DOCK2: variants seen among roughly 807,000 people sequenced by gnomAD.
The protein encoded by DOCK2 is dedicator of cytokinesis 2.
A neutral mutation model predicts 248.9 loss-of-function variants in DOCK2; 87 were observed. That is an observed-to-expected ratio of 0.35 (90% CI 0.29 to 0.42). The LOEUF is 0.42. Among genes scored for constraint, DOCK2 ranks in the 10% least tolerant of loss-of-function variants. DOCK2 has a pLI of 1.00. For missense variants in DOCK2, 1,747 were observed against 2,300.2 expected, an observed-to-expected ratio of 0.76 and a Z score of 4.92; for synonymous variants, 805 against 821.6, an observed-to-expected ratio of 0.98 and a Z score of 0.35.
At chr5:169,955,830 C>A (rs191320528) in intron 27 of DOCK2, among the ~76,000 whole-genome samples, 1 of 152,170 alleles carries the variant, frequency 6.6e-6, no homozygotes. Flanking sequence ...GAGGCTCCAT[C>A]GATTCAGTTC....
intron 29 of DOCK2, among the ~76,000 whole-genome samples, chr5:169,991,952 G>A (rs1341837417): frequency 6.6e-6 from 1 of 152,142 alleles, no homozygotes; most frequent in Non-Finnish European, 1.5e-5. Flanking sequence ...GTTAGCACAG[G>A]CCATATGAAT....
intron 27 of DOCK2, among the ~76,000 whole-genome samples, chr5:169,950,408 C>T (rs1156440641): frequency 1.3e-5 from 2 of 152,184 alleles, no homozygotes; most frequent in African/African-American, 2.4e-5. Context: ...GCATAACAGT[C>T]TTTTTGGACT....
chr5:169,673,387 A>C (rs1395384679), intron 5 of DOCK2, among the ~76,000 whole-genome samples: 1 of 151,914 alleles, frequency 6.6e-6, no homozygotes, highest in South Asian at 2.1e-4. Context: ...TCAAGTGTGT[A>C]TATATATATA....
At chr5:169,676,929 G>A (rs1759363514) in intron 6 of DOCK2, among the ~76,000 whole-genome samples, 1 of 152,166 alleles carries the variant, frequency 6.6e-6, no homozygotes, top group South Asian at 2.1e-4. Context: ...GATAACTTCT[G>A]AAGCGCTCAC....
intron 27 of DOCK2, chr5:169,883,165 C>T: frequency 1.3e-6 from 2 of 1,551,646 alleles, no homozygotes; most frequent in South Asian, 1.2e-5. Context: ...AGTCACCCTT[C>T]TCCCATCACC....
Position 169,810,983 on chromosome 5 carries a change from TCTCTCTCACACACA to T in DOCK2, c.2703+7779_2703+7792del, listed in dbSNP as rs775303374. Among the ~76,000 whole-genome samples the T allele has an allele frequency of 3.3e-4, 28 of 84,968 alleles. No homozygotes were observed. In the South Asian group the frequency reaches 7.5e-3, roughly 23 times the overall value. The allele number at this position is 84,968 out of a possible 152,430, so 55.7% of individuals were successfully genotyped here. A position where few individuals can be genotyped will look rare whatever the true frequency, so the allele number is the denominator to read the frequency against. ...CACACACACACAGACTCTCTCTCTC[TCTCTCTCACACACA>T]CACACACACACACACACACACACAC... On this transcript the variant is annotated intron_variant, in intron 26 of 51. Coordinates refer to ENST00000520908, the MANE Select transcript of DOCK2 (RefSeq NM_004946.3).
At chr5:170,027,594 C>T (rs1268238901) in intron 33 of DOCK2, among the ~76,000 whole-genome samples, 4 of 152,180 alleles carry the variant, frequency 2.6e-5, no homozygotes, top group African/African-American at 9.7e-5. Context: ...CCTGACTCTC[C>T]TCCCTCTCTC....
intron 27 of DOCK2, among the ~76,000 whole-genome samples, chr5:169,934,338 A>T (rs1775889201): frequency 6.6e-6 from 1 of 152,162 alleles, no homozygotes; most frequent in Non-Finnish European, 1.5e-5. Context: ...GTACTTTGGT[A>T]GTTGTCCCCG....
chr5:169,755,215 A>C (rs1421792153), intron 23 of DOCK2, among the ~76,000 whole-genome samples: 1 of 151,956 alleles, frequency 6.6e-6, no homozygotes, highest in Non-Finnish European at 1.5e-5. Context: ...AAGTGCTGGG[A>C]TTATAGGCAT....
At chr5:169,637,979 C>T (rs1174615156) in intron 1 of DOCK2, among the ~76,000 whole-genome samples, 1 of 152,098 alleles carries the variant, frequency 6.6e-6, no homozygotes, top group Non-Finnish European at 1.5e-5. Context: ...AAGCTAGCTT[C>T]GTCAGCCTCA....
intron 25 of DOCK2, among the ~76,000 whole-genome samples, chr5:169,787,384 A>G (rs1159597619): frequency 6.6e-6 from 1 of 152,182 alleles, no homozygotes; most frequent in Non-Finnish European, 1.5e-5. Flanking sequence ...TTCAACACTC[A>G]GATGCATGAT....
In DOCK2 at chr5:170,061,316, G is replaced by A. The variant is rs182485724; in HGVS notation, c.4467+3650G>A. ...AGTGTGGTATCAAAGCTTGATTTAC[G>A]TGTAGTAGAAGAAGCCTGCCTTTGG... is the stretch of plus-strand genomic sequence containing the variant. On this transcript the variant is annotated intron_variant, in intron 44 of 51. Coordinates refer to ENST00000520908, the MANE Select transcript of DOCK2 (RefSeq NM_004946.3). 7.2e-5 allele frequency among the ~76,000 whole-genome samples: 11 copies of A among 152,354 alleles called. No homozygotes were observed. In the East Asian group the frequency reaches 1.2e-3, roughly 16 times the overall value.
chr5:169,786,247 G>C (rs559030857), intron 25 of DOCK2, among the ~76,000 whole-genome samples: 1 of 152,134 alleles, frequency 6.6e-6, no homozygotes, highest in African/African-American at 2.4e-5. Flanking sequence ...GGTGTTCTTT[G>C]TCTTGGCAGG....
At position 169,712,102 on chromosome 5, in the gene DOCK2, C is replaced by T; in HGVS notation, c.1556-18C>T. 6.2e-7 allele frequency: 1 copy of T among 1,613,968 alleles called. No homozygotes were observed. Among genetic ancestry groups the T allele is most frequent in the Non-Finnish European group, 8.5e-7 (1 of 1,179,868 alleles). ...CCATGTATCATTTTCTTTCCTGACC[C>T]CACAATGCTATTTCCAGCTAAAGAT... is the stretch of plus-strand genomic sequence containing the variant. On this transcript the variant is annotated intron_variant, in intron 16 of 51. Coordinates refer to ENST00000520908, the MANE Select transcript of DOCK2 (RefSeq NM_004946.3).
rs568629304 is a variant in DOCK2 at position 169,857,338 on chromosome 5, G to A, written c.2799+16486G>A. Among the ~76,000 whole-genome samples the A allele has an allele frequency of 3.6e-4, 55 of 152,196 alleles. 1 individual carries two copies. The highest frequency in any genetic ancestry group is 6.6e-4 in the Non-Finnish European group (45 of 68,028). On this transcript the variant is annotated intron_variant, in intron 27 of 51. Coordinates refer to ENST00000520908, the MANE Select transcript of DOCK2 (RefSeq NM_004946.3). ...ATGACAATTTATTCTGAAACAATGT[G>A]AAACTGGACCATCAATATTCAGGAC...
intron 27 of DOCK2, among the ~76,000 whole-genome samples, chr5:169,860,437 A>G (rs552644981): frequency 6.6e-6 from 1 of 152,248 alleles, no homozygotes; most frequent in African/African-American, 2.4e-5. Context: ...CACTCAGTTC[A>G]TTGTCAAGGC....
chr5:169,996,332 C>G (rs1410656879), intron 30 of DOCK2, among the ~76,000 whole-genome samples, 168 bp downstream of exon 30: 1 of 152,214 alleles, frequency 6.6e-6, no homozygotes, highest in African/African-American at 2.4e-5. Flanking sequence ...GGCTTTCAAC[C>G]AGGGCCTTGA....
intron 1 of DOCK2, among the ~76,000 whole-genome samples, chr5:169,643,515 G>A (rs759746989): frequency 5.9e-5 from 9 of 152,266 alleles, no homozygotes; most frequent in Non-Finnish European, 1.0e-4. Context: ...CAGATCCCTC[G>A]CGTGTGCAGG....
At chr5:169,817,469 C>T (rs1768135474) in intron 26 of DOCK2, among the ~76,000 whole-genome samples, 1 of 152,208 alleles carries the variant, frequency 6.6e-6, no homozygotes, top group Non-Finnish European at 1.5e-5. Flanking sequence ...AACTTCGGAC[C>T]TTATTTCCCA....
Sources: gnomAD v4.1 joint callset for allele counts (sites outside exome capture counted in the v4.1 genomes callset) on GRCh38, gnomAD v4.1.1 for gene constraint, MANE v1.5 for transcripts, NCBI Gene and HGNC (gene_info 2026-07-23, HGNC 2026-07-21) for gene names.